The following GATA4 variants were observed in gnomAD, a reference collection of about 807,000 sequenced individuals.
The protein encoded by GATA4 is GATA binding protein 4, also known as transcription factor GATA-4.
GATA4 carries 7 observed loss-of-function variants against 37.9 expected under a neutral mutation model. That is an observed-to-expected ratio of 0.18 (90% confidence interval 0.11 to 0.35). The LOEUF (loss-of-function observed/expected upper bound fraction) is 0.35. Among genes scored for constraint, GATA4 ranks in the 10% least tolerant of loss-of-function variants. The probability of loss-of-function intolerance (pLI) is 1.00; values close to 1 mark genes in which losing one functional copy is unlikely to be tolerated. For synonymous variants in GATA4, 372 were observed against 292.6 expected, an observed-to-expected ratio of 1.27 and a Z score of -2.77; for missense variants, 647 against 653.0, an observed-to-expected ratio of 0.99 and a Z score of 0.10.
chr8:11,688,549 C>CAT (rs1333008087), upstream of GATA4, among the ~76,000 whole-genome samples: 2 of 151,980 alleles, frequency 1.3e-5, no homozygotes, highest in Non-Finnish European at 2.9e-5. Context: ...CACACACACA[C>CAT]ACTTGAATCT....
intron 2 of GATA4, among the ~76,000 whole-genome samples, chr8:11,718,631 G>A (rs2130129833): frequency 6.6e-6 from 1 of 152,324 alleles, no homozygotes; most frequent in South Asian, 2.1e-4. Context: ...ATTCTTCCAG[G>A]CAGATCAAAG....
chr8:11,703,957 A>G (rs1049105164), upstream of GATA4, among the ~76,000 whole-genome samples: 2 of 152,170 alleles, frequency 1.3e-5, no homozygotes, highest in South Asian at 2.1e-4. Flanking sequence ...AGCGAACCCA[A>G]TCGACCTCCG....
chr8:11,697,942 C>T (rs1222575316), intron 1 of GATA4: 3 of 985,352 alleles, frequency 3.0e-6, no homozygotes, highest in Non-Finnish European at 2.4e-6. Context: ...GCGTTGAGGT[C>T]TTGGGCCTGG....
chr8:11,753,178 G>A (rs1802383229), intron 4 of GATA4, among the ~76,000 whole-genome samples: 1 of 152,196 alleles, frequency 6.6e-6, no homozygotes, highest in African/African-American at 2.4e-5. Context: ...AGAAATGAAC[G>A]GATAAACACA....
Position 11,709,060 on chromosome 8 carries a change from C to T in GATA4, c.616+132C>T. Reference sequence around the variant, plus strand: ...GATGGTGCTTCACTACCTCGAGTTTCTAGGGAAGGCAGAAGCCAGTGCGGG... The same window carrying T: ...GATGGTGCTTCACTACCTCGAGTTTTTAGGGAAGGCAGAAGCCAGTGCGGG... On this transcript the variant is annotated intron_variant, in intron 2 of 6. Transcript: ENST00000532059. The surrounding 1 kb of genome is among the most constrained non-coding windows in gnomAD (Gnocchi z 4.3). 1 of 951,884 alleles carries T rather than the reference C, an allele frequency of 1.1e-6. No individual in the cohort carries two copies. The highest frequency in any genetic ancestry group is 2.1e-5 in the South Asian group (1 of 48,476). The allele number at this position is 951,884 out of a possible 1,614,324, so 59.0% of individuals were successfully genotyped here.
chr8:11,682,736 A>T (rs537595019), intron 1 of GATA4, among the ~76,000 whole-genome samples: 2 of 152,350 alleles, frequency 1.3e-5, no homozygotes, highest in Middle Eastern at 6.8e-3. Flanking sequence ...AGAACAACAA[A>T]AATTTGGAAA....
In GATA4 at chr8:11,755,115, A is replaced by G. The variant is rs763217830; in HGVS notation, c.982A>G (p.Lys328Glu). The G allele has an allele frequency of 6.2e-7, 1 of 1,613,884 alleles. No individual in the cohort carries two copies. Among genetic ancestry groups the G allele is most frequent in the South Asian group, 1.1e-5 (1 of 91,072 alleles). The change falls in exon 5 of 7, where the codon AAA (lysine) becomes GAA (glutamate). Residue 328 changes from lysine to glutamate, a missense_variant. Lys to Glu is a moderately conservative substitution (Grantham distance 56, BLOSUM62 1). This residue lies in a region of GATA4 where 184 missense variants were observed against 157.1 expected (regional missense o/e 1.17). Transcript: ENST00000532059. ...TRKRKPKNLN[K>E]SKTPAAPSGS... ...AAAACGGAAGCCCAAGAACCTGAAT[A>G]AATCTAAGACACCAGCAGGTGAGGA...
upstream of GATA4, chr8:11,692,063 C>G: frequency 1.0e-6 from 1 of 985,188 alleles, no homozygotes; most frequent in Non-Finnish European, 1.2e-6. Context: ...CAGAGGTGGC[C>G]GTGGGTGCTT....
At chr8:11,736,288 T>C (rs1388016906) in intron 2 of GATA4, among the ~76,000 whole-genome samples, 1 of 152,246 alleles carries the variant, frequency 6.6e-6, no homozygotes, top group Non-Finnish European at 1.5e-5. Flanking sequence ...AAATGAGAGT[T>C]AGAATGCAGT....
chr8:11,708,868 A>C lies in GATA4; in HGVS notation c.556A>C (p.Ser186Arg). 6.6e-7 allele frequency: 1 copy of C among 1,508,630 alleles called. No individual in the cohort carries two copies. The highest frequency in any genetic ancestry group is 1.4e-5 in the African/African-American group (1 of 69,200). 93.5% of individuals were successfully genotyped at this position (1,508,630 alleles called of 1,614,324 possible). ...AAAASAGPFD[S>R]PVLHSLPGRA... The stretch of plus-strand genomic sequence containing the variant: ...CGCCGCCTCCGCCGGCCCCTTCGAC[A>C]GCCCGGTCCTGCACAGCCTGCCCGG... Residue 186 changes from serine to arginine, a missense_variant, in exon 2 of 7, where the codon AGC becomes CGC. Around this residue, in one of 5 missense-constraint regions of GATA4, gnomAD observed 379 missense variants for 334.5 expected, o/e 1.13. Coordinates refer to ENST00000532059, the MANE Select transcript of GATA4 (RefSeq NM_001308093.3). This position sits in a 1 kb window ranked among gnomAD's most constrained non-coding sequence, Gnocchi z 6.7.
chr8:11,705,018 G>A (rs1156488001), intron 1 of GATA4, among the ~76,000 whole-genome samples: 2 of 152,226 alleles, frequency 1.3e-5, no homozygotes, highest in East Asian at 1.9e-4. Context: ...GCCCGGATCC[G>A]CCGGGTTATG....
At chr8:11,745,759 T>G (rs1186331055) in intron 2 of GATA4, among the ~76,000 whole-genome samples, 1 of 152,138 alleles carries the variant, frequency 6.6e-6, no homozygotes, top group East Asian at 1.9e-4. Context: ...AGAGGCCAGT[T>G]TGCTTATTTT....
At position 11,708,780 on chromosome 8, in the gene GATA4, C is replaced by T. The variant is rs776838551; in HGVS notation, c.468C>T (p.Gly156=). The T allele has an allele frequency of 1.4e-6, 2 of 1,452,784 alleles. No individual in the cohort carries two copies. The highest frequency in any genetic ancestry group is 1.3e-5 in the South Asian group (1 of 74,206). 90.0% of individuals were successfully genotyped at this position (1,452,784 alleles called of 1,614,324 possible). A position where few individuals can be genotyped will look rare whatever the true frequency, so the allele number is the denominator to read the frequency against. ...REQYGRAGFA[G]SYSSPYPAYM... is the part of the protein sequence containing the mutation. ...AGTACGGGCGCGCCGGCTTCGCGGG[C>T]TCCTACTCCAGCCCCTACCCGGCTT... The change falls in exon 2 of 7, where the codon GGC becomes GGT. Residue 156 remains glycine, a synonymous_variant. Transcript: ENST00000532059. The surrounding 1 kb of genome is among the most constrained non-coding windows in gnomAD (Gnocchi z 6.7).
intron 2 of GATA4, among the ~76,000 whole-genome samples, chr8:11,715,324 C>G (rs915204457): frequency 3.9e-5 from 6 of 152,114 alleles, no homozygotes; most frequent in African/African-American, 1.4e-4. Context: ...ACTATGCATG[C>G]CTTGGAACTT....
chr8:11,704,073 C>T (rs1420353100), upstream of GATA4: 1 of 152,422 alleles, frequency 6.6e-6, no homozygotes, highest in Non-Finnish European at 1.5e-5. Flanking sequence ...TCCGCACAGT[C>T]CCGCAGCCTG....
chr8:11,747,079 G>T (rs940123137), intron 2 of GATA4, among the ~76,000 whole-genome samples: 1 of 152,220 alleles, frequency 6.6e-6, no homozygotes, highest in Non-Finnish European at 1.5e-5. Context: ...GTTGGAAAGA[G>T]AGCTCTTTAC....
chr8:11,728,079 C>G (rs1801023567), intron 2 of GATA4, among the ~76,000 whole-genome samples: 3 of 152,144 alleles, frequency 2.0e-5, no homozygotes, highest in African/African-American at 7.2e-5. Flanking sequence ...CAACCTCTAC[C>G]TCCCAGGTTC....
intron 4 of GATA4, among the ~76,000 whole-genome samples, chr8:11,750,983 A>G (rs557669554): frequency 7.9e-5 from 12 of 152,204 alleles, no homozygotes; most frequent in African/African-American, 2.9e-4. Context: ...AAATACTGCA[A>G]AGAAAATCAG....
intron 4 of GATA4, among the ~76,000 whole-genome samples, chr8:11,754,671 A>G (rs891287061): frequency 6.6e-6 from 1 of 152,038 alleles, no homozygotes; most frequent in Non-Finnish European, 1.5e-5. Context: ...TGATATCCTC[A>G]CGTGCCCCTC....
Sources: gnomAD v4.1 joint callset for allele counts (sites outside exome capture counted in the v4.1 genomes callset) on GRCh38, gnomAD v4.1.1 for gene constraint, gnomAD v4.1.1 regional missense constraint, Gnocchi (gnomAD v3.1) non-coding constraint, MANE v1.5 for transcripts, NCBI Gene and HGNC (gene_info 2026-07-23, HGNC 2026-07-21) for gene names.